TNC: variants seen among roughly 807,000 people sequenced by gnomAD.
TNC encodes the protein tenascin C.
In TNC, 109 loss-of-function variants were observed where a neutral mutation model predicts 202.4. The observed-to-expected ratio is 0.54, with a 90% CI of 0.46 to 0.63. The LOEUF (loss-of-function observed/expected upper bound fraction) is 0.63. Ranked by LOEUF, TNC falls within the 30% of genes least tolerant of loss-of-function variation. The probability of loss-of-function intolerance (pLI) is 0.00; values close to 1 mark genes in which losing one functional copy is unlikely to be tolerated. For synonymous variants in TNC, 1,007 were observed against 1,089.7 expected (o/e 0.92, Z 1.50); for missense variants, 2,756 against 2,833.3 (o/e 0.97, Z 0.62).
rs1403013537 is a variant in TNC at position 115,021,248 on chromosome 9, C to G, written c.6515G>C (p.Trp2172Ser). 1 of 1,611,644 alleles carries G rather than the reference C, an allele frequency of 6.2e-7. No individual in the cohort carries two copies. Among genetic ancestry groups the G allele is most frequent in the Non-Finnish European group, 8.5e-7 (1 of 1,179,294 alleles). The change falls in exon 28 of 28, where the codon TGG becomes TCG. Residue 2172 changes from tryptophan (W) to serine (S), a missense_variant. Trp to Ser is a radical substitution (Grantham distance 177). Around this residue, in one of 2 missense-constraint regions of TNC, gnomAD observed 197 missense variants for 287.3 expected, o/e 0.69. Transcript: ENST00000350763. ...NHSQGVNWFH[W>S]KGHEHSIQFA... Reference sequence around the variant, plus strand: ...CTGGATTGAGTGTTCGTGGCCCTTCCAGTGGAACCAGTTAACGCCCTGTTA... The same window carrying G: ...CTGGATTGAGTGTTCGTGGCCCTTCGAGTGGAACCAGTTAACGCCCTGTTA...
At chr9:115,105,377 G>T (rs768264200) in intron 1 of TNC, among the ~76,000 whole-genome samples, 16 of 152,134 alleles carry the variant, frequency 1.1e-4, no homozygotes. Flanking sequence ...TGTGTCTTCT[G>T]TGGATTATCT....
intron 13 of TNC, among the ~76,000 whole-genome samples, chr9:115,060,282 A>C (rs966083610): frequency 3.2e-4 from 49 of 152,208 alleles, no homozygotes; most frequent in African/African-American, 1.1e-3. Flanking sequence ...CATTGCTAGC[A>C]GGTGAAATTC....
In TNC at chr9:115,071,524, T is replaced by G. The variant is rs546696729; in HGVS notation, c.3214+2079A>C. Among the ~76,000 whole-genome samples the G allele has an allele frequency of 7.9e-5, 12 of 152,298 alleles. No individual in the cohort carries two copies. The South Asian group carries it at 1.4e-3, about 18-fold the overall frequency. ...TTCTCTAGTGGAGAAGCCCCACACCTCAGGATCTTAGGGAGATAAAACTTC... is the reference window on the plus strand; with the variant it reads ...TTCTCTAGTGGAGAAGCCCCACACCGCAGGATCTTAGGGAGATAAAACTTC... On this transcript the variant is annotated intron_variant, in intron 10 of 27. Coordinates refer to ENST00000350763, the MANE Select transcript of TNC (RefSeq NM_002160.4).
At chr9:115,038,428 C>T in intron 19 of TNC, 48 bp from the exon 20 acceptor site, 1 of 1,603,322 alleles carries the variant, frequency 6.2e-7, no homozygotes, top group South Asian at 1.1e-5. Context: ...GGTGGGACAT[C>T]AGACTCTAGC....
At chr9:115,047,006 A>G (rs1234269987) in intron 16 of TNC, among the ~76,000 whole-genome samples, 1 of 152,168 alleles carries the variant, frequency 6.6e-6, no homozygotes, top group Non-Finnish European at 1.5e-5. Flanking sequence ...CAAAGCCAGT[A>G]AATTGTTTAC....
Position 115,034,136 on chromosome 9 carries a change from G to A in TNC, c.5787+1068C>T, listed in dbSNP as rs114769369. 5.4e-3 allele frequency among the ~76,000 whole-genome samples: 822 copies of A among 152,328 alleles called. 6 individuals are homozygous for A. The highest frequency in any genetic ancestry group is 0.019 in the African/African-American group (792 of 41,572). On this transcript the variant is annotated intron_variant, in intron 22 of 27. Coordinates refer to ENST00000350763, the MANE Select transcript of TNC (RefSeq NM_002160.4). ...AGGCTGAGGTTTACTCTCTGGAAAG[G>A]TTGAGCCAGAGAGGAAGTCCGGATT...
At chr9:115,032,379 C>T (rs1184135110) in intron 22 of TNC, among the ~76,000 whole-genome samples, 1 of 152,108 alleles carries the variant, frequency 6.6e-6, no homozygotes, top group African/African-American at 2.4e-5. Context: ...AGTTTATCAT[C>T]ACAAGAAATG....
chr9:115,027,344 C>A (rs180936832), intron 25 of TNC, among the ~76,000 whole-genome samples: 2 of 151,976 alleles, frequency 1.3e-5, no homozygotes, highest in African/African-American at 4.8e-5. Flanking sequence ...AATCCCCACA[C>A]TTTGGGAGGC....
rs761233545 is a variant in TNC, at chr9:115,059,820, C to G, written c.4216G>C (p.Gly1406Arg). 5.0e-6 allele frequency: 8 copies of G among 1,614,084 alleles called. No individual in the cohort carries two copies. The highest frequency in any genetic ancestry group is 6.8e-6 in the Non-Finnish European group (8 of 1,180,012). Residue 1406 changes from glycine (G) to arginine (R), a missense_variant, in exon 14 of 28, where the codon GGC becomes CGC. Physicochemically the swap from Gly to Arg is moderately radical, Grantham distance 125 (BLOSUM62 -2). This residue lies in a region of TNC where 2,559 missense variants were observed against 2,546.0 expected (regional missense o/e 1.01). Coordinates refer to ENST00000350763, the MANE Select transcript of TNC (RefSeq NM_002160.4). Reference protein sequence around the residue: ...PGSLRAVDIPGLEAATPYRVS... With the variant: ...PGSLRAVDIPRLEAATPYRVS... ...CTATAAGGCGTGGCAGCCTCGAGGC[C>G]CGGGATGTCCACAGCCCTGAGGCTG...
intron 1 of TNC, among the ~76,000 whole-genome samples, chr9:115,102,571 C>A (rs1373270788): frequency 6.6e-6 from 1 of 152,092 alleles, no homozygotes; most frequent in Non-Finnish European, 1.5e-5. Flanking sequence ...CTAAATTTAT[C>A]TTTCTCTCTT....
At chr9:115,094,757 ATCCTGGCAAAGCAGGCACTGGC>A (rs1835486234) in intron 1 of TNC, among the ~76,000 whole-genome samples, 1 of 151,926 alleles carries the variant, frequency 6.6e-6, no homozygotes, top group African/African-American at 2.4e-5. Flanking sequence ...CCATGTAGAA[ATCCTGGCAAAGCAGGCACTGGC>A]TTGCCTCTTG....
intron 19 of TNC, among the ~76,000 whole-genome samples, chr9:115,039,660 G>A (rs1393893312): frequency 6.6e-6 from 1 of 152,258 alleles, no homozygotes; most frequent in Non-Finnish European, 1.5e-5. Flanking sequence ...AGGCACCTGA[G>A]CCTTGAGGGA....
intron 17 of TNC, among the ~76,000 whole-genome samples, chr9:115,044,501 G>C (rs1021084209): frequency 5.3e-5 from 8 of 151,240 alleles, no homozygotes; most frequent in Non-Finnish European, 7.4e-5. Flanking sequence ...CTTTCCAAAA[G>C]AGCAGGGTCT....
chr9:115,046,345 G>T, intron 17 of TNC, 65 bp downstream of exon 17: 1 of 1,567,578 alleles, frequency 6.4e-7, no homozygotes, highest in Non-Finnish European at 8.7e-7. Context: ...TGATTACTCA[G>T]CCCTGTGAGA....
intron 4 of TNC, 30 bp downstream of exon 4, chr9:115,084,179 A>C: frequency 2.5e-6 from 4 of 1,604,862 alleles, no homozygotes; most frequent in Non-Finnish European, 3.4e-6. Flanking sequence ...ACATCAGGTG[A>C]GGCTGCCCAA....
intron 21 of TNC, chr9:115,035,844 C>T: frequency 2.3e-6 from 1 of 441,944 alleles, no homozygotes; most frequent in Non-Finnish European, 4.0e-6. Context: ...ACTGTTTTTC[C>T]ACTTACAAAG....
At chr9:115,108,387 T>C (rs1836775964) in intron 1 of TNC, among the ~76,000 whole-genome samples, 1 of 152,146 alleles carries the variant, frequency 6.6e-6, no homozygotes, top group Non-Finnish European at 1.5e-5. Flanking sequence ...GCACTCTACT[T>C]CCCTGAACCA....
At chr9:115,063,319 C>T (rs1467874998) in intron 12 of TNC, 130 bp from the exon 13 acceptor site, 4 of 974,068 alleles carry the variant, frequency 4.1e-6, no homozygotes, top group Non-Finnish European at 6.1e-6. Flanking sequence ...GCATGATTTA[C>T]AGCAGGTGTT....
chr9:115,085,125 C>G (rs1183523618), intron 3 of TNC, among the ~76,000 whole-genome samples: 2 of 152,140 alleles, frequency 1.3e-5, no homozygotes, highest in East Asian at 3.9e-4. Context: ...TAAATATGAG[C>G]ATTAATTTTC....
Sources: allele counts gnomAD v4.1 joint callset (sites outside exome capture counted in the v4.1 genomes callset), GRCh38; gene constraint gnomAD v4.1.1; regional missense constraint gnomAD v4.1.1; transcripts MANE v1.5; gene names NCBI Gene and HGNC (gene_info 2026-07-23, HGNC 2026-07-21).